SOX5: variants seen among roughly 807,000 people sequenced by gnomAD.
The protein encoded by SOX5 is transcription factor SOX-5.
In SOX5, 9 loss-of-function variants were observed where a neutral mutation model predicts 92.0. The ratio of observed to expected loss-of-function variants is 0.10; its 90% CI spans 0.06 to 0.17. The LOEUF is 0.17. Among genes scored for constraint, SOX5 ranks in the 10% least tolerant of loss-of-function variants. The probability of loss-of-function intolerance (pLI) is 1.00; values close to 1 mark genes in which losing one functional copy is unlikely to be tolerated. For missense variants in SOX5, 642 were observed against 944.5 expected (o/e 0.68, Z 4.20); for synonymous variants, 344 against 336.3 (o/e 1.02, Z -0.25).
At chr12:24,171,170 A>T (rs1593876766) in intron 4 of SOX5, among the ~76,000 whole-genome samples, 3 of 99,024 alleles carry the variant, frequency 3.0e-5, no homozygotes, top group East Asian at 2.4e-4. Context: ...AACTTCTAAT[A>T]GTGATTTTAG....
intron 1 of SOX5, among the ~76,000 whole-genome samples, chr12:24,514,605 T>A (rs896961100): frequency 5.3e-5 from 8 of 152,202 alleles, no homozygotes; most frequent in African/African-American, 1.7e-4. Flanking sequence ...CGTGCATGTA[T>A]AAGTTCATTG....
intron 8 of SOX5, among the ~76,000 whole-genome samples, chr12:23,628,046 A>G (rs907529750): frequency 2.6e-5 from 4 of 152,116 alleles, no homozygotes; most frequent in Non-Finnish European, 5.9e-5. Flanking sequence ...AACCAGCAGC[A>G]GCATAAATCA....
chr12:24,007,006 G>A (rs1416931957), intron 4 of SOX5, among the ~76,000 whole-genome samples: 13 of 150,930 alleles, frequency 8.6e-5, no homozygotes, highest in African/African-American at 3.2e-4. Context: ...GATGACGCAT[G>A]TCTGTAATCC....
chr12:23,839,738 G>C (rs548813389), intron 3 of SOX5, among the ~76,000 whole-genome samples: 1 of 151,118 alleles, frequency 6.6e-6, no homozygotes, highest in African/African-American at 2.4e-5. Flanking sequence ...CATATCAATA[G>C]ATGCAGAAAA....
At chr12:23,956,430 A>G (rs568938430) in intron 4 of SOX5, among the ~76,000 whole-genome samples, 3 of 152,220 alleles carry the variant, frequency 2.0e-5, no homozygotes, top group Admixed American at 2.0e-4. Flanking sequence ...TTAGATTATC[A>G]TAGGAAGGCA....
At chr12:23,575,044 A>C (rs375352052) in intron 10 of SOX5, among the ~76,000 whole-genome samples, 1 of 152,360 alleles carries the variant, frequency 6.6e-6, no homozygotes, top group African/African-American at 2.4e-5. Flanking sequence ...CTGTGTTGAA[A>C]TCAGTATCTG....
In SOX5 at chr12:24,244,950, G is replaced by T. The variant is rs139994777; in HGVS notation, c.-76-31533C>A. ...AGGTGATTCAACCGCCTCCCAAAGT[G>T]CTGGGATTACAGGCGTGAGTCACTG... On this transcript the variant is annotated intron_variant, in intron 3 of 4. Transcript: ENST00000446891. 6.7e-3 allele frequency among the ~76,000 whole-genome samples: 1,013 copies of T among 152,226 alleles called. 12 individuals are homozygous for T. The highest frequency in any genetic ancestry group is 0.023 in the African/African-American group (959 of 41,542).
intron 2 of SOX5, among the ~76,000 whole-genome samples, chr12:24,287,972 T>C (rs1405857843): frequency 6.6e-6 from 1 of 152,190 alleles, no homozygotes; most frequent in Non-Finnish European, 1.5e-5. Flanking sequence ...AATTTTGGAA[T>C]CCCTCAAACT....
At chr12:24,384,846 T>C (rs183259395) in intron 1 of SOX5, among the ~76,000 whole-genome samples, 78 of 152,202 alleles carry the variant, frequency 5.1e-4, no homozygotes, top group Non-Finnish European at 8.4e-4. Flanking sequence ...ATCAAACCAT[T>C]TACTGGAAAC....
At chr12:24,557,579 G>C (rs1201797826) in intron 1 of SOX5, among the ~76,000 whole-genome samples, 2 of 152,000 alleles carry the variant, frequency 1.3e-5, no homozygotes, top group Non-Finnish European at 2.9e-5. Flanking sequence ...AGTTTAATTG[G>C]TGTTGAAGTA....
At chr12:24,005,183 CT>C (rs1262862927) in intron 4 of SOX5, among the ~76,000 whole-genome samples, 10 of 146,974 alleles carry the variant, frequency 6.8e-5, no homozygotes, top group African/African-American at 2.3e-4. Flanking sequence ...TATAAACTTA[CT>C]AAAAAAAAAA....
intron 2 of SOX5, among the ~76,000 whole-genome samples, chr12:24,315,498 T>A (rs1033985884): frequency 4.6e-5 from 7 of 152,154 alleles, no homozygotes; most frequent in African/African-American, 1.7e-4. Context: ...TAAGGTTTTT[T>A]GTGCATCATA....
intron 4 of SOX5, among the ~76,000 whole-genome samples, chr12:24,193,842 A>C (rs984951213): frequency 2.6e-5 from 4 of 152,198 alleles, no homozygotes; most frequent in African/African-American, 9.6e-5. Flanking sequence ...TTCAGAGAAA[A>C]AAGTAGTTTT....
intron 10 of SOX5, among the ~76,000 whole-genome samples, chr12:23,566,883 T>C (rs775407409): frequency 2.0e-5 from 3 of 152,220 alleles, no homozygotes; most frequent in Admixed American, 6.5e-5. Flanking sequence ...GTAAGTGTGA[T>C]ATTTGACAAA....
At chr12:24,366,590 G>A (rs1390048814) in intron 2 of SOX5, among the ~76,000 whole-genome samples, 1 of 152,070 alleles carries the variant, frequency 6.6e-6, no homozygotes, top group Non-Finnish European at 1.5e-5. Flanking sequence ...TCTGTGCCTG[G>A]ATTTTTCATA....
chr12:23,832,983 C>T (rs990366751), intron 3 of SOX5, among the ~76,000 whole-genome samples: 3 of 151,940 alleles, frequency 2.0e-5, no homozygotes, highest in Non-Finnish European at 4.4e-5. Context: ...CAGTGACAGA[C>T]TCAGGACTGA....
intron 1 of SOX5, among the ~76,000 whole-genome samples, chr12:24,438,466 C>T (rs1334704112): frequency 6.6e-6 from 1 of 151,934 alleles, no homozygotes; most frequent in African/African-American, 2.4e-5. Context: ...TTTTGTAAGG[C>T]TATAGCTGCC....
chr12:23,833,633 G>A (rs1281686419), intron 3 of SOX5, among the ~76,000 whole-genome samples: 1 of 151,898 alleles, frequency 6.6e-6, no homozygotes, highest in African/African-American at 2.4e-5. Context: ...CACTTCATGT[G>A]TGTATTTCAA....
At chr12:24,328,645 C>T (rs1950967215) in intron 2 of SOX5, among the ~76,000 whole-genome samples, 1 of 152,178 alleles carries the variant, frequency 6.6e-6, no homozygotes, top group Non-Finnish European at 1.5e-5. Flanking sequence ...TTATTTAACC[C>T]TTTCACCCTT....
Sources: allele counts gnomAD v4.1 joint callset (sites outside exome capture counted in the v4.1 genomes callset), GRCh38; gene constraint gnomAD v4.1.1; transcripts MANE v1.5; gene names NCBI Gene and HGNC (gene_info 2026-07-23, HGNC 2026-07-21).